DNAH11: variants seen among roughly 807,000 people sequenced by gnomAD.
DNAH11 encodes the protein axonemal beta dynein heavy chain 11.
DNAH11 carries 442 observed loss-of-function variants against 526.0 expected under a neutral mutation model. The ratio of observed to expected loss-of-function variants is 0.84; its 90% CI spans 0.78 to 0.91. The LOEUF is 0.91. Among genes scored for constraint, DNAH11 ranks in the 40% least tolerant of loss-of-function variants. The probability of loss-of-function intolerance (pLI) is 0.00; values close to 1 mark genes in which losing one functional copy is unlikely to be tolerated. For missense variants in DNAH11, 6,989 were observed against 5,448.7 expected (o/e 1.28, Z -8.90); for synonymous variants, 2,461 against 1,935.9 (o/e 1.27, Z -7.12).
chr7:21,675,066 G>A (rs538004686), intron 30 of DNAH11, among the ~76,000 whole-genome samples: 1 of 150,912 alleles, frequency 6.6e-6, no homozygotes, highest in South Asian at 2.1e-4. Context: ...CCTCCTCACA[G>A]GTCTTTTCTT....
intron 37 of DNAH11, among the ~76,000 whole-genome samples, chr7:21,703,094 T>G (rs1291775531): frequency 6.6e-6 from 1 of 152,232 alleles, no homozygotes; most frequent in Non-Finnish European, 1.5e-5. Context: ...CTGTTTGATT[T>G]CCTCTGAGGA....
intron 58 of DNAH11, among the ~76,000 whole-genome samples, chr7:21,785,914 G>A (rs1269725705): frequency 1.3e-5 from 2 of 152,194 alleles, no homozygotes; most frequent in Non-Finnish European, 2.9e-5. Flanking sequence ...AAGTATCACA[G>A]GAAATACCTG....
rs369868023 is a variant in DNAH11 at position 21,900,160 on chromosome 7, C to T, written c.13303+40C>T. ...GGGGTAAGTGGGGAACCTTTTCTTA[C>T]TCAGGTTCAGATCAGTGTTTGTCCT... On this transcript the variant is annotated intron_variant, in intron 81 of 81. Transcript: ENST00000409508. 10 of 1,577,280 alleles carry T rather than the reference C, an allele frequency of 6.3e-6. No homozygotes were observed. In the African/African-American group the frequency reaches 1.4e-4, roughly 21 times the overall value.
intron 30 of DNAH11, among the ~76,000 whole-genome samples, chr7:21,672,392 C>A (rs1481201881): frequency 6.6e-6 from 1 of 152,132 alleles, no homozygotes; most frequent in African/African-American, 2.4e-5. Flanking sequence ...CTCAAACAGT[C>A]CTCCTGCCTC....
intron 6 of DNAH11, among the ~76,000 whole-genome samples, chr7:21,566,545 A>T (rs1041804970): frequency 6.6e-6 from 1 of 151,990 alleles, no homozygotes; most frequent in Non-Finnish European, 1.5e-5. Flanking sequence ...AAAATTCAAA[A>T]GTTACACCCT....
At chr7:21,779,156 A>C in intron 57 of DNAH11, 52 bp downstream of exon 57, 1 of 1,560,430 alleles carries the variant, frequency 6.4e-7, no homozygotes, top group Non-Finnish European at 8.7e-7. Flanking sequence ...GCACAAAATA[A>C]ACCTTGGTAG....
chr7:21,597,367 C>T (rs1174371641), intron 14 of DNAH11, among the ~76,000 whole-genome samples: 1 of 152,084 alleles, frequency 6.6e-6, no homozygotes, highest in Non-Finnish European at 1.5e-5. Flanking sequence ...ACTAGTGCGA[C>T]GCTGAATGTG....
At chr7:21,781,767 G>A (rs1452103683) in intron 57 of DNAH11, among the ~76,000 whole-genome samples, 3 of 152,148 alleles carry the variant, frequency 2.0e-5, no homozygotes, top group African/African-American at 4.8e-5. Flanking sequence ...ACCACATGGG[G>A]TATTTTGGGA....
Position 21,619,962 on chromosome 7 carries a change from A to C in DNAH11, c.4384A>C (p.Thr1462Pro). The C allele has an allele frequency of 6.3e-7, 1 of 1,599,346 alleles. No individual in the cohort carries two copies. Among genetic ancestry groups the C allele is most frequent in the Non-Finnish European group, 8.5e-7 (1 of 1,174,942 alleles). The change falls in exon 25 of 82, where the codon ACT becomes CCT. Residue 1462 changes from threonine to proline, a missense_variant. By Grantham distance (38) the Thr-to-Pro change is conservative. Transcript: ENST00000409508. ...VKELGTEKVI[T>P]EISQTWATMK... The stretch of plus-strand genomic sequence containing the variant: ...TTATATTGTTGATTACTAGGTTATT[A>C]CTGAAATCAGTCAGACCTGGGCAAC...
rs373365959 is a variant in DNAH11, at chr7:21,601,176, A to T, written c.3422A>T (p.Asp1141Val). The T allele has an allele frequency of 1.1e-4, 176 of 1,589,122 alleles. No individual in the cohort carries two copies. The highest frequency in any genetic ancestry group is 1.4e-4 in the Non-Finnish European group (166 of 1,173,308). ...GAGCATCTTTTGAGATTTGTCATTGACAGGTAGCCTTTTACTTTGGTTTTT... is the reference window on the plus strand; with the variant it reads ...GAGCATCTTTTGAGATTTGTCATTGTCAGGTAGCCTTTTACTTTGGTTTTT... ...FQEHLLRFVI[D>V]SLNELQEFIK... The change falls in exon 17 of 82, where the codon GAC becomes GTC. Residue 1141 changes from aspartate (D) to valine (V), a missense_variant. Physicochemically the swap from Asp to Val is radical, Grantham distance 152. Transcript: ENST00000409508.
chr7:21,690,713 C>T lies in DNAH11; in HGVS notation c.5925-52C>T. ...GCAGTGGTTTGCATTTGTCAATGTG[C>T]ATTCATATTCAATGAACACATTTAA... On this transcript the variant is annotated intron_variant, in intron 34 of 81. Coordinates refer to ENST00000409508, the MANE Select transcript of DNAH11 (RefSeq NM_001277115.2). 3.8e-6 allele frequency: 5 copies of T among 1,319,594 alleles called. No homozygotes were observed. The Admixed American group carries it at 7.5e-5, about 20-fold the overall frequency. The allele number at this position is 1,319,594 out of a possible 1,614,324, so 81.7% of individuals were successfully genotyped here.
chr7:21,855,804 ATATC>A (rs1424873212), intron 68 of DNAH11, among the ~76,000 whole-genome samples: 1 of 152,168 alleles, frequency 6.6e-6, no homozygotes, highest in Non-Finnish European at 1.5e-5. Context: ...GGGTGGAGGT[ATATC>A]TATATGTAGA....
At chr7:21,621,406 G>C (rs904353998) in intron 25 of DNAH11, among the ~76,000 whole-genome samples, 2 of 152,022 alleles carry the variant, frequency 1.3e-5, no homozygotes, top group Non-Finnish European at 2.9e-5. Flanking sequence ...AGGAGGAACT[G>C]GTACCATTCC....
At chr7:21,839,616 C>T (rs1782129940) in intron 65 of DNAH11, among the ~76,000 whole-genome samples, 1 of 151,284 alleles carries the variant, frequency 6.6e-6, no homozygotes, top group African/African-American at 2.4e-5. Context: ...CAGGTATATA[C>T]TGGCTTGGGC....
At chr7:21,789,451 G>T (rs1788339552) in intron 61 of DNAH11, 109 bp downstream of exon 61, 3 of 653,512 alleles carry the variant, frequency 4.6e-6, no homozygotes, top group East Asian at 5.6e-5. Flanking sequence ...AAGCAGAAAG[G>T]AATTCGATCT....
intron 30 of DNAH11, among the ~76,000 whole-genome samples, chr7:21,671,517 TG>T (rs1402163154): frequency 6.6e-6 from 1 of 152,218 alleles, no homozygotes. Context: ...CTTTCATTTC[TG>T]GGGTTCGTAA....
intron 36 of DNAH11, among the ~76,000 whole-genome samples, chr7:21,701,281 A>G (rs1015615880): frequency 2.1e-5 from 3 of 143,350 alleles, no homozygotes; most frequent in African/African-American, 2.6e-5. Flanking sequence ...TTCACCAAAC[A>G]CTTTTTACTT....
At position 21,864,666 on chromosome 7, in the gene DNAH11, G is replaced by A. The variant is rs970223266; in HGVS notation, c.11496+9G>A. The A allele has an allele frequency of 2.2e-5, 34 of 1,562,184 alleles. No individual in the cohort carries two copies. The highest frequency in any genetic ancestry group is 2.5e-5 in the Non-Finnish European group (29 of 1,156,324). On this transcript the variant is annotated intron_variant, in intron 70 of 81. Transcript: ENST00000409508. ...CATGGAGTGCTATCAAGGTATGTTAGGAATACAGTTTCTCAAATTCTGGAT... is the reference window on the plus strand; with the variant it reads ...CATGGAGTGCTATCAAGGTATGTTAAGAATACAGTTTCTCAAATTCTGGAT...
rs530925691 is a variant in DNAH11, at chr7:21,901,335, T to C, written c.*81T>C. 1.4e-6 allele frequency: 2 copies of C among 1,450,688 alleles called. No homozygotes were observed. The highest frequency in any genetic ancestry group is 2.5e-5 in the Admixed American group (1 of 40,586). 89.9% of individuals were successfully genotyped at this position (1,450,688 alleles called of 1,614,324 possible). On this transcript the variant is annotated 3_prime_UTR_variant, in exon 82 of 82. Transcript: ENST00000409508. ...TGTTGCTGCACTGTTCCCATGCACA[T>C]TATTCTAACTTTTTAGTAACTCACA...
Sources: allele counts gnomAD v4.1 joint callset (sites outside exome capture counted in the v4.1 genomes callset), GRCh38; gene constraint gnomAD v4.1.1; transcripts MANE v1.5; gene names NCBI Gene and HGNC (gene_info 2026-07-23, HGNC 2026-07-21).